Variants in TTC6 observed in about 807,000 individuals in gnomAD.
TTC6 encodes the protein tetratricopeptide repeat protein 6.
In TTC6, 172 loss-of-function variants were observed where a neutral mutation model predicts 210.4. The ratio of observed to expected loss-of-function variants is 0.82; its 90% CI spans 0.72 to 0.93. TTC6 has a LOEUF of 0.93. TTC6 is among the 40% of genes least tolerant of loss of function. The pLI, the probability that TTC6 is intolerant of heterozygous loss-of-function variation, is 0.00. For missense variants in TTC6, 2,414 were observed against 2,318.1 expected, an observed-to-expected ratio of 1.04 and a Z score of -0.85; for synonymous variants, 804 against 819.6, an observed-to-expected ratio of 0.98 and a Z score of 0.32.
intron 1 of TTC6, among the ~76,000 whole-genome samples, chr14:37,633,637 C>T (rs2095674430): frequency 6.6e-6 from 1 of 152,224 alleles, no homozygotes; most frequent in Non-Finnish European, 1.5e-5. Context: ...CCAGTATCAA[C>T]GGGCTGTTAC....
At chr14:37,763,870 T>C (rs1413958811) in intron 14 of TTC6, among the ~76,000 whole-genome samples, 1 of 151,864 alleles carries the variant, frequency 6.6e-6, no homozygotes, top group Non-Finnish European at 1.5e-5. Context: ...TTATTTTTCT[T>C]GGCTTATTAA....
chr14:37,714,495 T>C (rs1156727047), intron 5 of TTC6, among the ~76,000 whole-genome samples, 160 bp from the exon 8 acceptor site: 3 of 152,208 alleles, frequency 2.0e-5, no homozygotes, highest in African/African-American at 7.2e-5. Context: ...ATTTTTGGAT[T>C]ATTTCTCATT....
At chr14:37,670,219 A>G (rs1335415731) in intron 1 of TTC6, among the ~76,000 whole-genome samples, 2 of 152,186 alleles carry the variant, frequency 1.3e-5, no homozygotes, top group African/African-American at 4.8e-5. Context: ...TTGTGGGCTT[A>G]TGACAAGTCT....
chr14:37,598,069 G>C lies in TTC6; in HGVS notation c.-235+2061G>C, dbSNP rs2095607936. ...CATACATACATAAAGTAATGCTGCT[G>C]TCTGGGAGTTGCTGGCCAGTCGGTA... On this transcript the variant is annotated intron_variant, in intron 1 of 2. Coordinates refer to the TTC6 transcript ENST00000556845. The surrounding 1 kb of genome is among the most constrained non-coding windows in gnomAD (Gnocchi z 4.9). 6.6e-6 allele frequency among the ~76,000 whole-genome samples: 1 copy of C among 152,200 alleles called. No homozygotes were observed. The highest frequency in any genetic ancestry group is 1.9e-4 in the East Asian group (1 of 5,198).
intron 20 of TTC6, among the ~76,000 whole-genome samples, chr14:37,800,111 T>C (rs1395128783): frequency 6.6e-6 from 1 of 152,182 alleles, no homozygotes; most frequent in Non-Finnish European, 1.5e-5. Context: ...GGGCAGAGGC[T>C]GAAAGAATTT....
chr14:37,786,450 AT>A (rs2096067899), intron 14 of TTC6, among the ~76,000 whole-genome samples: 1 of 152,214 alleles, frequency 6.6e-6, no homozygotes, highest in East Asian at 1.9e-4. Context: ...ATCTACTGGT[AT>A]GCCATTTGCT....
chr14:37,806,972 C>T (rs1024171146), intron 22 of TTC6, among the ~76,000 whole-genome samples: 9 of 151,960 alleles, frequency 5.9e-5, no homozygotes, highest in African/African-American at 2.2e-4. Flanking sequence ...TATATAATGG[C>T]AGTGTGGTTA....
chr14:37,841,020 C>T (rs2096208872), intron 29 of TTC6, among the ~76,000 whole-genome samples: 4 of 152,086 alleles, frequency 2.6e-5, no homozygotes, highest in Admixed American at 2.6e-4. Flanking sequence ...AGGTGCCTGC[C>T]ACCATGCCCA....
chr14:37,618,938 C>T (rs144060162), upstream of TTC6, among the ~76,000 whole-genome samples: 539 of 152,284 alleles, frequency 3.5e-3, 4 homozygotes, highest in African/African-American at 0.012. Flanking sequence ...TCATCAGGTA[C>T]TAATGTACTT....
Position 37,804,279 on chromosome 14 carries a change from G to A in TTC6, c.4030-401G>A, listed in dbSNP as rs183335956. 6.6e-5 allele frequency among the ~76,000 whole-genome samples: 10 copies of A among 152,302 alleles called. No homozygotes were observed. In the East Asian group the frequency reaches 1.9e-3, roughly 29 times the overall value. ...AATTATGTCAGATATTATCAGTGGA[G>A]ATCTTTTACTACCTAGTAGCTTCCC... On this transcript the variant is annotated intron_variant, in intron 20 of 30. Coordinates refer to ENST00000553443, the Ensembl canonical transcript of TTC6.
intron 1 of TTC6, among the ~76,000 whole-genome samples, chr14:37,648,735 A>G (rs185548044): frequency 1.3e-5 from 2 of 152,204 alleles, no homozygotes; most frequent in Admixed American, 6.5e-5. Flanking sequence ...AATGATTACT[A>G]ATTTATTCAG....
intron 7 of TTC6, among the ~76,000 whole-genome samples, chr14:37,726,101 T>C (rs2095872601): frequency 6.6e-6 from 1 of 152,140 alleles, no homozygotes. Context: ...TTTTTTTTTC[T>C]TGGTTACAAT....
intron 7 of TTC6, among the ~76,000 whole-genome samples, chr14:37,727,504 A>G (rs953800503): frequency 6.9e-6 from 1 of 145,412 alleles, no homozygotes; most frequent in Non-Finnish European, 1.5e-5. Flanking sequence ...TGTTTTAGCT[A>G]GGATGGTCTT....
chr14:37,660,745 T>C (rs565016513), intron 1 of TTC6, among the ~76,000 whole-genome samples: 1 of 152,352 alleles, frequency 6.6e-6, no homozygotes, highest in East Asian at 1.9e-4. Context: ...TTTCTGGTTC[T>C]AGATCTTTGA....
chr14:37,796,856 T>C (rs1453157781), exon 20 of TTC6: 1 of 1,611,452 alleles, frequency 6.2e-7, no homozygotes. Flanking sequence ...GACAAGGCCA[T>C]TGAGGTCTTG....
At chr14:37,703,724 A>C (rs1384211186) in intron 5 of TTC6, among the ~76,000 whole-genome samples, 1 of 152,122 alleles carries the variant, frequency 6.6e-6, no homozygotes, top group Non-Finnish European at 1.5e-5. Flanking sequence ...AGTTTATTTG[A>C]ACAGCGGTGT....
intron 7 of TTC6, among the ~76,000 whole-genome samples, chr14:37,726,147 A>G (rs930967569): frequency 4.6e-5 from 7 of 151,798 alleles, no homozygotes; most frequent in Non-Finnish European, 8.8e-5. Flanking sequence ...ATAAATTTTT[A>G]GTGGCATTCA....
At chr14:37,624,783 G>A (rs1175397294) in intron 1 of TTC6, among the ~76,000 whole-genome samples, 5 of 151,826 alleles carry the variant, frequency 3.3e-5, no homozygotes, top group African/African-American at 1.2e-4. Flanking sequence ...CACTATGCCC[G>A]GCTAATTTTT....
At chr14:37,826,347 G>A (rs2096171520) in exon 28 of TTC6, 2 of 1,591,316 alleles carry the variant, frequency 1.3e-6, no homozygotes, top group African/African-American at 1.4e-5. Context: ...CTGCCATGAA[G>A]GTAAAAACCA....
Sources: allele counts gnomAD v4.1 joint callset (sites outside exome capture counted in the v4.1 genomes callset), GRCh38; gene constraint gnomAD v4.1.1; non-coding constraint Gnocchi (gnomAD v3.1); transcripts MANE v1.5; gene names NCBI Gene and HGNC (gene_info 2026-07-23, HGNC 2026-07-21).